The following SULF2 variants were observed in gnomAD, a reference collection of about 807,000 sequenced individuals.
SULF2 encodes extracellular sulfatase Sulf-2.
SULF2 carries 52 observed loss-of-function variants against 107.7 expected under a neutral mutation model. That is an observed-to-expected ratio of 0.48 (90% CI 0.39 to 0.61). The LOEUF is 0.61. SULF2 is among the 20% of genes least tolerant of loss of function. SULF2 has a pLI of 0.00. For synonymous variants in SULF2, 460 were observed against 464.3 expected, an observed-to-expected ratio of 0.99 and a Z score of 0.12; for missense variants, 993 against 1,177.3, an observed-to-expected ratio of 0.84 and a Z score of 2.29.
intron 16 of SULF2, 45 bp from the exon 17 acceptor site, chr20:47,663,257 G>A: frequency 1.2e-6 from 2 of 1,610,096 alleles, no homozygotes; most frequent in South Asian, 2.2e-5. Flanking sequence ...GCGGGAGGAG[G>A]CCCCATCTGC....
chr20:47,779,659 T>G, intron 1 of SULF2, among the ~76,000 whole-genome samples: 1 of 152,202 alleles, frequency 6.6e-6, no homozygotes, highest in Non-Finnish European at 1.5e-5. Flanking sequence ...CAGGCTAGAG[T>G]GCAATGGCAC....
intron 3 of SULF2, 104 bp downstream of exon 3, chr20:47,736,599 C>T: frequency 6.9e-7 from 1 of 1,450,074 alleles, no homozygotes; most frequent in Non-Finnish European, 9.4e-7. Context: ...GCTCTAGGGG[C>T]TATCCAGAAT....
chr20:47,698,820 T>C (rs145422051), intron 4 of SULF2, among the ~76,000 whole-genome samples: 3,733 of 152,146 alleles, frequency 0.025, 166 homozygotes, highest in African/African-American at 0.085. Flanking sequence ...TCACCTGAGA[T>C]TGGGAGTTCG....
rs1055624780 is a variant in SULF2, at chr20:47,684,257, G to C, written c.888+174C>G. On this transcript the variant is annotated intron_variant, in intron 6 of 20. Coordinates refer to ENST00000688720, the MANE Select transcript of SULF2 (RefSeq NM_001387048.1). ...CTAGAAAATGTTTCATGAAGGAAGAGGCTTTTGTCTGGATTGCTCCAAGCT... is the reference window on the plus strand; with the variant it reads ...CTAGAAAATGTTTCATGAAGGAAGACGCTTTTGTCTGGATTGCTCCAAGCT... The C allele has an allele frequency of 1.2e-5, 7 of 583,512 alleles. No homozygotes were observed. The African/African-American group carries it at 1.3e-4, about 11-fold the overall frequency. The allele number at this position is 583,512 out of a possible 1,614,324, so 36.1% of individuals were successfully genotyped here. A position where few individuals can be genotyped will look rare whatever the true frequency, so the allele number is the denominator to read the frequency against.
At chr20:47,662,974 G>T in intron 17 of SULF2, 96 bp downstream of exon 17, 2 of 1,427,958 alleles carry the variant, frequency 1.4e-6, no homozygotes, top group Non-Finnish European at 9.6e-7. Flanking sequence ...GTGGGACTTG[G>T]ACAATTTGTC....
intron 4 of SULF2, 122 bp from the exon 5 acceptor site, chr20:47,690,417 C>G (rs1022578317): frequency 4.5e-6 from 3 of 670,128 alleles, no homozygotes; most frequent in Non-Finnish European, 6.4e-6. Flanking sequence ...AATTTCTGCC[C>G]TTCTGGAGCT....
Position 47,723,252 on chromosome 20 carries a change from G to GA in SULF2, c.415+13450dup, listed in dbSNP as rs1292510470. 9.5e-3 allele frequency among the ~76,000 whole-genome samples: 1,259 copies of GA among 132,890 alleles called. 20 individuals carry two copies. Among genetic ancestry groups the GA allele is most frequent in the African/African-American group, 0.032 (1,166 of 36,060 alleles). 87.2% of individuals were successfully genotyped at this position (132,890 alleles called of 152,430 possible). On this transcript the variant is annotated intron_variant, in intron 3 of 20. Transcript: ENST00000688720. The stretch of plus-strand genomic sequence containing the variant: ...GAGTGACAGTCCATCTCAAAAAAAA[G>GA]AAAAAAAAAAAAGTTCACAAACATG...
chr20:47,663,980 T>A, intron 15 of SULF2, 150 bp downstream of exon 15: 1 of 814,264 alleles, frequency 1.2e-6, no homozygotes, highest in South Asian at 1.8e-5. Flanking sequence ...CAGTGTTGAT[T>A]GGGAAGTAAG....
In SULF2 at chr20:47,692,214, G is replaced by A. The variant is rs6090713; in HGVS notation, c.568-1919C>T. Among the ~76,000 whole-genome samples the A allele has an allele frequency of 6.1e-3, 929 of 152,228 alleles. 10 individuals are homozygous for A. The highest frequency in any genetic ancestry group is 0.02 in the African/African-American group (811 of 41,520). On this transcript the variant is annotated intron_variant, in intron 4 of 20. Transcript: ENST00000688720. The stretch of plus-strand genomic sequence containing the variant: ...TTTCAAGAAAAAAAGGTGAAGAGGT[G>A]TCTACAGCTTCCACCCTGAAGTATA...
chr20:47,669,389 G>T (rs1020912199), intron 11 of SULF2, among the ~76,000 whole-genome samples: 25 of 152,118 alleles, frequency 1.6e-4, no homozygotes, highest in African/African-American at 6.0e-4. Context: ...TCTGTGGTGG[G>T]GGCCGTCCTG....
In SULF2 at chr20:47,701,510, C is replaced by T. The variant is rs117069864; in HGVS notation, c.567+1009G>A. On this transcript the variant is annotated intron_variant, in intron 4 of 20. Coordinates refer to ENST00000688720, the MANE Select transcript of SULF2 (RefSeq NM_001387048.1). Reference sequence around the variant, plus strand: ...TGAGGATCAACCACTGCTGCAGGTGCTCAGGCAGCACCCACTCACTCCGAA... The same window carrying T: ...TGAGGATCAACCACTGCTGCAGGTGTTCAGGCAGCACCCACTCACTCCGAA... 2.4e-4 allele frequency among the ~76,000 whole-genome samples: 37 copies of T among 152,322 alleles called. No homozygotes were observed. In the East Asian group the frequency reaches 3.5e-3, roughly 14 times the overall value.
At chr20:47,716,572 T>C (rs1301022554) in intron 3 of SULF2, among the ~76,000 whole-genome samples, 1 of 152,226 alleles carries the variant, frequency 6.6e-6, no homozygotes, top group African/African-American at 2.4e-5. Context: ...AGAGTTGCAT[T>C]GTTTTACATT....
upstream of SULF2, chr20:47,786,128 A>C (rs1396425030): frequency 6.6e-6 from 1 of 152,176 alleles, no homozygotes; most frequent in Non-Finnish European, 1.5e-5. Flanking sequence ...GAAACGAGGG[A>C]GGGAAGCGAG....
chr20:47,663,149 TTGA>T lies in SULF2; in HGVS notation c.2288_2290del (p.Ile763del), dbSNP rs1568778360. 3 of 1,614,066 alleles carry T rather than the reference TTGA, an allele frequency of 1.9e-6. No individual in the cohort carries two copies. The highest frequency in any genetic ancestry group is 2.5e-6 in the Non-Finnish European group (3 of 1,180,034). ...ACAGAAGAGGAAATTGTGAGTCTCA[TTGA>T]TGGTCCTCATGCACCAGTACGTGTT... is the stretch of plus-strand genomic sequence containing the variant. On this transcript the variant is annotated inframe_deletion, in exon 17 of 21. Coordinates refer to ENST00000688720, the MANE Select transcript of SULF2 (RefSeq NM_001387048.1).
chr20:47,678,758 C>T lies in SULF2; in HGVS notation c.1111G>A (p.Asp371Asn), dbSNP rs1435304119. The change falls in exon 8 of 21, where the codon GAC becomes AAC. Residue 371 changes from aspartate (D) to asparagine (N), a missense_variant. Asp to Asn is a conservative substitution (Grantham distance 23). Around this residue, in one of 3 missense-constraint regions of SULF2, gnomAD observed 108 missense variants for 183.9 expected, o/e 0.59. Transcript: ENST00000688720. The surrounding 1 kb of genome is among the most constrained non-coding windows in gnomAD (Gnocchi z 4.5). ...GCAGGTATGTCCAGGCCTGCAATGT[C>T]CAGGATGGTGGGGGCCAGGTCAATG... is the stretch of plus-strand genomic sequence containing the variant. ...LNIDLAPTILDIAGLDIPADM... is the reference protein window; with the variant it reads ...LNIDLAPTILNIAGLDIPADM... 2.5e-6 allele frequency: 4 copies of T among 1,613,964 alleles called. No homozygotes were observed. The highest frequency in any genetic ancestry group is 2.5e-6 in the Non-Finnish European group (3 of 1,179,976).
intron 1 of SULF2, among the ~76,000 whole-genome samples, chr20:47,769,417 CA>C (rs1009330160): frequency 1.4e-3 from 214 of 149,746 alleles, no homozygotes; most frequent in African/African-American, 5.1e-3. Context: ...AGGCTGGTCT[CA>C]AACTCCTGAC....
chr20:47,693,116 A>G (rs4810656), intron 4 of SULF2, among the ~76,000 whole-genome samples: 58,302 of 152,110 alleles, frequency 0.38, 11,654 homozygotes, highest in Middle Eastern at 0.51. Flanking sequence ...AGGGGGCTCT[A>G]CAGAATTTAT....
At chr20:47,745,442 TATATATATATATATACAC>T (rs1233845103) in intron 2 of SULF2, among the ~76,000 whole-genome samples, 2,142 of 12,924 alleles carry the variant, frequency 0.17, 184 homozygotes, top group Non-Finnish European at 0.19. Flanking sequence ...TATATATATA[TATATATATATATATACAC>T]ATACACACAC....
chr20:47,777,643 A>G (rs2122685394), intron 1 of SULF2, among the ~76,000 whole-genome samples: 1 of 152,336 alleles, frequency 6.6e-6, no homozygotes, highest in Middle Eastern at 3.4e-3. Context: ...ATTTCAATTC[A>G]CATTAAAATG....
Sources: allele counts gnomAD v4.1 joint callset (sites outside exome capture counted in the v4.1 genomes callset), GRCh38; gene constraint gnomAD v4.1.1; regional missense constraint gnomAD v4.1.1; non-coding constraint Gnocchi (gnomAD v3.1); transcripts MANE v1.5; gene names NCBI Gene and HGNC (gene_info 2026-07-23, HGNC 2026-07-21).